The following ADAMTS12 variants were observed in gnomAD, a reference collection of about 807,000 sequenced individuals.
ADAMTS12 encodes the protein A disintegrin and metalloproteinase with thrombospondin motifs 12.
In ADAMTS12, 118 loss-of-function variants were observed where a neutral mutation model predicts 167.8. The observed-to-expected ratio is 0.70, with a 90% confidence interval of 0.61 to 0.82. ADAMTS12 has a LOEUF of 0.82. ADAMTS12 is among the 40% of genes least tolerant of loss of function. The probability of loss-of-function intolerance (pLI) is 0.00; values close to 1 mark genes in which losing one functional copy is unlikely to be tolerated. For missense variants in ADAMTS12, 1,916 were observed against 1,998.8 expected, an observed-to-expected ratio of 0.96 and a Z score of 0.79; for synonymous variants, 704 against 716.9, an observed-to-expected ratio of 0.98 and a Z score of 0.29.
intron 17 of ADAMTS12, among the ~76,000 whole-genome samples, chr5:33,595,156 C>G (rs1579721106): frequency 6.6e-6 from 1 of 151,722 alleles, no homozygotes; most frequent in East Asian, 1.9e-4. Context: ...TTTTTCCTTT[C>G]TTTTTTTTCT....
intron 3 of ADAMTS12, among the ~76,000 whole-genome samples, chr5:33,716,047 T>G (rs551682270): frequency 6.6e-6 from 1 of 152,292 alleles, no homozygotes; most frequent in East Asian, 1.9e-4. Flanking sequence ...GATGCTATGA[T>G]CTGAATTTTT....
Position 33,534,906 on chromosome 5 carries a change from T to G in ADAMTS12, c.4533A>C (p.Gln1511His). ...GTCTGGGTTTGTGATCACATAGACA[T>G]TGGTCTTGGTCTTCAGTTTTATTGC... ...SEGNKTEDQDQCLCDHKPRPP... is the reference protein window; with the variant it reads ...SEGNKTEDQDHCLCDHKPRPP... Residue 1511 changes from glutamine to histidine, a missense_variant, in exon 23 of 24, where the codon CAA (glutamine) becomes CAC (histidine). Transcript: ENST00000504830. The G allele has an allele frequency of 6.2e-7, 1 of 1,614,112 alleles. No individual in the cohort carries two copies. The highest frequency in any genetic ancestry group is 1.7e-4 in the Middle Eastern group (1 of 6,060).
At chr5:33,608,858 A>C (rs1043113966) in intron 16 of ADAMTS12, among the ~76,000 whole-genome samples, 2 of 152,170 alleles carry the variant, frequency 1.3e-5, no homozygotes, top group African/African-American at 4.8e-5. Flanking sequence ...CCAATTGAAA[A>C]GCAGCCAAGG....
chr5:33,737,612 C>A (rs1293742157), intron 3 of ADAMTS12, among the ~76,000 whole-genome samples: 4 of 152,222 alleles, frequency 2.6e-5, no homozygotes, highest in Admixed American at 1.3e-4. Context: ...TCATTTAATT[C>A]ATATATTCTA....
At chr5:33,573,616 C>G (rs1306393) in intron 19 of ADAMTS12, among the ~76,000 whole-genome samples, 1 of 152,074 alleles carries the variant, frequency 6.6e-6, no homozygotes, top group African/African-American at 2.4e-5. Context: ...TAAAGACTTA[C>G]ATGTTAGACC....
At chr5:33,708,007 G>T (rs1295386027) in intron 3 of ADAMTS12, among the ~76,000 whole-genome samples, 1 of 152,080 alleles carries the variant, frequency 6.6e-6, no homozygotes, top group Admixed American at 6.6e-5. Context: ...GAATGAGCAG[G>T]CAACCTACAG....
chr5:33,865,680 T>C (rs1267017443), intron 2 of ADAMTS12, among the ~76,000 whole-genome samples: 2 of 152,138 alleles, frequency 1.3e-5, no homozygotes, highest in African/African-American at 4.8e-5. Context: ...CTATTGTTGT[T>C]CACTGATGAT....
At chr5:33,812,127 T>TA (rs996503237) in intron 2 of ADAMTS12, among the ~76,000 whole-genome samples, 2 of 151,672 alleles carry the variant, frequency 1.3e-5, no homozygotes, top group Admixed American at 6.6e-5. Flanking sequence ...TTCTACAAAT[T>TA]AAAAAAACAA....
At chr5:33,564,015 A>G (rs952632754) in intron 19 of ADAMTS12, among the ~76,000 whole-genome samples, 1 of 152,260 alleles carries the variant, frequency 6.6e-6, no homozygotes, top group Non-Finnish European at 1.5e-5. Context: ...TTACAGTGTT[A>G]GCTCAGCTTT....
At chr5:33,617,160 C>T (rs542149923) in intron 14 of ADAMTS12, among the ~76,000 whole-genome samples, 1 of 151,968 alleles carries the variant, frequency 6.6e-6, no homozygotes, top group Non-Finnish European at 1.5e-5. Context: ...TCCCTCTCAG[C>T]TCTAATAGTG....
At chr5:33,789,567 A>T (rs927408543) in intron 2 of ADAMTS12, among the ~76,000 whole-genome samples, 3 of 152,194 alleles carry the variant, frequency 2.0e-5, no homozygotes, top group Non-Finnish European at 4.4e-5. Flanking sequence ...CTGCCCAAGG[A>T]GGAAAATGGC....
chr5:33,876,455 T>C (rs1030854135), intron 2 of ADAMTS12, among the ~76,000 whole-genome samples: 1 of 152,134 alleles, frequency 6.6e-6, no homozygotes, highest in African/African-American at 2.4e-5. Context: ...AACTCAGATA[T>C]AGACTCGCAA....
At chr5:33,876,825 A>C (rs1750244313) in intron 2 of ADAMTS12, among the ~76,000 whole-genome samples, 1 of 152,212 alleles carries the variant, frequency 6.6e-6, no homozygotes, top group African/African-American at 2.4e-5. Context: ...ACTGTGCAGT[A>C]ATTTTGCAAG....
chr5:33,695,139 A>G (rs1742707254), intron 3 of ADAMTS12, among the ~76,000 whole-genome samples: 2 of 152,330 alleles, frequency 1.3e-5, no homozygotes, highest in South Asian at 4.1e-4. Context: ...TCCTATTTGC[A>G]ACTAAAGAGA....
In ADAMTS12 at chr5:33,835,987, T is replaced by C. The variant is rs371310148; in HGVS notation, c.489+45132A>G. On this transcript the variant is annotated intron_variant, in intron 2 of 23. Coordinates refer to ENST00000504830, the MANE Select transcript of ADAMTS12 (RefSeq NM_030955.4). ...TGTGTGTGTCCATCTGGGCAGTTTATGCTAAGACCCAAATAAGGGAAATAG... is the reference window on the plus strand; with the variant it reads ...TGTGTGTGTCCATCTGGGCAGTTTACGCTAAGACCCAAATAAGGGAAATAG... Among the ~76,000 whole-genome samples the C allele has an allele frequency of 8.1e-5, 12 of 147,576 alleles. No homozygotes were observed. In the East Asian group the frequency reaches 1.6e-3, roughly 20 times the overall value.
intron 11 of ADAMTS12, among the ~76,000 whole-genome samples, chr5:33,638,168 C>A (rs1350588709): frequency 1.8e-5 from 2 of 110,056 alleles, no homozygotes; most frequent in Non-Finnish European, 4.4e-5. Flanking sequence ...TCCTACTCTT[C>A]AACTCTGCAA....
chr5:33,588,807 C>CACCT lies in ADAMTS12; in HGVS notation c.2655-2_2656dup (p.Trp886Ter). 6.2e-7 allele frequency: 1 copy of CACCT among 1,612,900 alleles called. No homozygotes were observed. Among genetic ancestry groups the CACCT allele is most frequent in the Non-Finnish European group, 8.5e-7 (1 of 1,180,000 alleles). ...GCATGCTTCCCACTCCCCTGCCCAC[C>CACCT]ACCTGCAGGCAAACATGGATATGTG... On this transcript the variant is annotated stop_gained and frameshift_variant and splice_region_variant, in exon 18 of 24. Transcript: ENST00000504830. LOFTEE classifies it high-confidence loss of function.
In ADAMTS12 at chr5:33,891,847, C is replaced by A. The variant is rs986337112; in HGVS notation, c.10G>T (p.Ala4Ser). Residue 4 changes from alanine (A) to serine (S), a missense_variant, in exon 1 of 24, where the codon GCC becomes TCC. By Grantham distance (99) the Ala-to-Ser change is moderately conservative. Coordinates refer to ENST00000504830, the MANE Select transcript of ADAMTS12 (RefSeq NM_030955.4). MPC[A>S]QRSWLANLSV... ...AGGTTTGCAAGCCAGCTCCTCTGGGCACATGGCATGATTCAGATGTTGAGG... is the reference window on the plus strand; with the variant it reads ...AGGTTTGCAAGCCAGCTCCTCTGGGAACATGGCATGATTCAGATGTTGAGG... 6.8e-6 allele frequency: 11 copies of A among 1,614,106 alleles called. No homozygotes were observed. Among genetic ancestry groups the A allele is most frequent in the Non-Finnish European group, 9.3e-6 (11 of 1,180,000 alleles).
In ADAMTS12 at chr5:33,867,205, G is replaced by A. The variant is rs185636989; in HGVS notation, c.489+13914C>T. 2.6e-5 allele frequency among the ~76,000 whole-genome samples: 4 copies of A among 152,202 alleles called. 1 individual carries two copies. The highest frequency in any genetic ancestry group is 6.5e-5 in the Admixed American group (1 of 15,272). On this transcript the variant is annotated intron_variant, in intron 2 of 23. Coordinates refer to ENST00000504830, the MANE Select transcript of ADAMTS12 (RefSeq NM_030955.4). ...TCCACAATTGCAAAGACATGGAACC[G>A]ACCTAAGTGCCCACTGACCAACAAA...
Sources: gnomAD v4.1 joint callset for allele counts (sites outside exome capture counted in the v4.1 genomes callset) on GRCh38, gnomAD v4.1.1 for gene constraint, MANE v1.5 for transcripts, NCBI Gene and HGNC (gene_info 2026-07-23, HGNC 2026-07-21) for gene names.